Variants in PDSS2 observed in about 807,000 individuals in gnomAD.
PDSS2 encodes decaprenyl diphosphate synthase subunit 2, also known as all trans-polyprenyl-diphosphate synthase PDSS2.
Under a neutral mutation model 44.5 loss-of-function variants are expected in PDSS2, and 31 were observed. That is an observed-to-expected ratio of 0.70 (90% CI 0.52 to 0.94). PDSS2 has a LOEUF of 0.94. Among genes scored for constraint, PDSS2 ranks in the 40% least tolerant of loss-of-function variants. The probability of loss-of-function intolerance (pLI) is 0.00; values close to 1 mark genes in which losing one functional copy is unlikely to be tolerated. For missense variants in PDSS2, 452 were observed against 482.2 expected (o/e 0.94, Z 0.59); for synonymous variants, 157 against 180.3 (o/e 0.87, Z 1.03).
At chr6:107,296,809 T>C (rs919367029) in intron 2 of PDSS2, among the ~76,000 whole-genome samples, 2 of 152,216 alleles carry the variant, frequency 1.3e-5, no homozygotes, top group Admixed American at 6.5e-5. Flanking sequence ...GAGTACTGCA[T>C]ACTTAGTAAA....
rs1020334048 is a variant in PDSS2, at chr6:107,220,184, C to A, written c.703-7902G>T. Among the ~76,000 whole-genome samples, 49 of 152,002 alleles carry A rather than the reference C, an allele frequency of 3.2e-4. 1 individual carries two copies. The highest frequency in any genetic ancestry group is 3.2e-3 in the Admixed American group (49 of 15,258). On this transcript the variant is annotated intron_variant, in intron 4 of 7. Transcript: ENST00000369037. The stretch of plus-strand genomic sequence containing the variant: ...TCACTTGATAAAAGTTACTAAAAAT[C>A]ATTGAATCGTAGGCTTGAAATGGGT...
chr6:107,415,308 CA>C (rs1186637728), intron 1 of PDSS2, among the ~76,000 whole-genome samples: 2 of 151,716 alleles, frequency 1.3e-5, no homozygotes, highest in African/African-American at 4.8e-5. Flanking sequence ...CAATTTGGAA[CA>C]AAAAAAATTT....
At chr6:107,262,133 C>G (rs950489247) in intron 3 of PDSS2, among the ~76,000 whole-genome samples, 2 of 151,556 alleles carry the variant, frequency 1.3e-5, no homozygotes, top group African/African-American at 2.4e-5. Flanking sequence ...TGGCCTCGAT[C>G]TCCTGACCTC....
intron 3 of PDSS2, among the ~76,000 whole-genome samples, chr6:107,253,728 G>T (rs1774905160): frequency 6.6e-6 from 1 of 152,148 alleles, no homozygotes; most frequent in Admixed American, 6.6e-5. Flanking sequence ...TAAAAAAACT[G>T]ATTTTACTTT....
At chr6:107,269,166 C>T (rs1314145363) in intron 3 of PDSS2, among the ~76,000 whole-genome samples, 1 of 152,122 alleles carries the variant, frequency 6.6e-6, no homozygotes, top group East Asian at 1.9e-4. Context: ...AGGTGATCTG[C>T]CTGCCTCAAC....
At chr6:107,186,227 T>C (rs1175130537) in intron 7 of PDSS2, among the ~76,000 whole-genome samples, 2 of 152,184 alleles carry the variant, frequency 1.3e-5, no homozygotes, top group Non-Finnish European at 2.9e-5. Flanking sequence ...ACTACAGCAG[T>C]GTAAAGCATT....
chr6:107,287,768 G>A (rs1020596795), intron 2 of PDSS2, among the ~76,000 whole-genome samples: 3 of 152,112 alleles, frequency 2.0e-5, no homozygotes, highest in Admixed American at 2.0e-4. Flanking sequence ...GTGATCCACC[G>A]AATCAGCCTC....
intron 2 of PDSS2, among the ~76,000 whole-genome samples, chr6:107,294,242 T>A (rs74359283): frequency 8.3e-4 from 127 of 152,212 alleles, no homozygotes; most frequent in African/African-American, 3.0e-3. Flanking sequence ...AAAAAGAGTG[T>A]CAGGGCATAG....
intron 2 of PDSS2, among the ~76,000 whole-genome samples, chr6:107,285,068 G>T (rs951458706): frequency 6.6e-6 from 1 of 152,166 alleles, no homozygotes; most frequent in Admixed American, 6.5e-5. Flanking sequence ...TGGTTCTAAA[G>T]CCTGGGCTCT....
chr6:107,233,152 C>T (rs1774109201), intron 4 of PDSS2, among the ~76,000 whole-genome samples: 1 of 152,178 alleles, frequency 6.6e-6, no homozygotes, highest in Non-Finnish European at 1.5e-5. Context: ...ACTGTATCTT[C>T]TAAGGACTCA....
intron 7 of PDSS2, among the ~76,000 whole-genome samples, chr6:107,155,581 CTTT>C (rs398066143): frequency 8.0e-5 from 11 of 136,666 alleles, no homozygotes; most frequent in African/African-American, 1.6e-4. Context: ...CTGAATGTTA[CTTT>C]TTTTTTTTTT....
At chr6:107,284,815 T>C (rs575568599) in intron 2 of PDSS2, among the ~76,000 whole-genome samples, 1 of 152,374 alleles carries the variant, frequency 6.6e-6, no homozygotes, top group East Asian at 1.9e-4. Flanking sequence ...ATAGTGATTA[T>C]GGCAACTACT....
intron 1 of PDSS2, among the ~76,000 whole-genome samples, chr6:107,380,666 A>C (rs535746885): frequency 6.6e-6 from 1 of 152,246 alleles, no homozygotes; most frequent in East Asian, 1.9e-4. Flanking sequence ...TCATCCAACT[A>C]ATCCTGACAG....
rs3734677 is a variant in PDSS2, at chr6:107,212,061, G to A, written c.876+48C>T. 185,610 of 1,497,756 alleles carry A rather than the reference G, an allele frequency of 0.12. 13,580 individuals carry two copies. The highest frequency in any genetic ancestry group is 0.29 in the East Asian group (12,903 of 44,284). The allele number at this position is 1,497,756 out of a possible 1,614,324, so 92.8% of individuals were successfully genotyped here. On this transcript the variant is annotated intron_variant, in intron 5 of 7. Transcript: ENST00000369037. ...AATGGCAAAAGGTTTCTTGTGTGTC[G>A]TTTTAGCTATTTAAGTACTGAAAAA...
chr6:107,434,783 C>T (rs1391456804), intron 1 of PDSS2, among the ~76,000 whole-genome samples: 3 of 152,014 alleles, frequency 2.0e-5, no homozygotes, highest in African/African-American at 7.3e-5. Context: ...ATAACAAATG[C>T]TTGAGGTAAC....
intron 7 of PDSS2, among the ~76,000 whole-genome samples, chr6:107,168,287 C>T (rs1771428646): frequency 6.6e-6 from 1 of 152,148 alleles, no homozygotes; most frequent in Admixed American, 6.6e-5. Flanking sequence ...TTATCAGAGA[C>T]TAGGATTGCA....
intron 2 of PDSS2, among the ~76,000 whole-genome samples, chr6:107,302,547 CATAAGCCACA>C: frequency 6.6e-6 from 1 of 152,222 alleles, no homozygotes; most frequent in Non-Finnish European, 1.5e-5. Context: ...AGATTACAGG[CATAAGCCACA>C]GTGCCTGAAT....
intron 4 of PDSS2, among the ~76,000 whole-genome samples, chr6:107,222,723 GA>G (rs1051765681): frequency 4.6e-5 from 7 of 151,634 alleles, no homozygotes; most frequent in African/African-American, 1.7e-4. Flanking sequence ...GTATGTGGCA[GA>G]GATGAGTCTC....
intron 1 of PDSS2, among the ~76,000 whole-genome samples, chr6:107,450,015 ATC>A (rs1392457089): frequency 6.6e-6 from 1 of 152,246 alleles, no homozygotes; most frequent in Non-Finnish European, 1.5e-5. Context: ...GTATACAAAT[ATC>A]TCTTTGAGAC....
Sources: allele counts gnomAD v4.1 joint callset (sites outside exome capture counted in the v4.1 genomes callset), GRCh38; gene constraint gnomAD v4.1.1; transcripts MANE v1.5; gene names NCBI Gene and HGNC (gene_info 2026-07-23, HGNC 2026-07-21).